The following NRXN1 variants were observed in gnomAD, a reference collection of about 807,000 sequenced individuals.
NRXN1 encodes the protein neurexin-1.
Under a neutral mutation model 150.9 loss-of-function variants are expected in NRXN1, and 39 were observed. The observed-to-expected ratio is 0.26, with a 90% CI of 0.20 to 0.34. The LOEUF is 0.34. Ranked by LOEUF, NRXN1 falls within the 10% of genes least tolerant of loss-of-function variation. The pLI is 1.00. For missense variants in NRXN1, 1,815 were observed against 1,949.9 expected, an observed-to-expected ratio of 0.93 and a Z score of 1.30; for synonymous variants, 924 against 757.0, an observed-to-expected ratio of 1.22 and a Z score of -3.62.
At chr2:49,930,453 G>A (rs1347671398) in intron 22 of NRXN1, among the ~76,000 whole-genome samples, 1 of 152,152 alleles carries the variant, frequency 6.6e-6, no homozygotes, top group Non-Finnish European at 1.5e-5. Context: ...ACACAAGCAA[G>A]TGGAGAAGAG....
At chr2:50,526,217 G>A (rs2092947733) in intron 12 of NRXN1, among the ~76,000 whole-genome samples, 1 of 152,066 alleles carries the variant, frequency 6.6e-6, no homozygotes, top group Non-Finnish European at 1.5e-5. Context: ...ATAACTTAGA[G>A]TTTAATATTA....
At chr2:50,995,939 G>A (rs1476371288) in intron 2 of NRXN1, among the ~76,000 whole-genome samples, 1 of 152,022 alleles carries the variant, frequency 6.6e-6, no homozygotes, top group African/African-American at 2.4e-5. Context: ...TTTGTAAAAA[G>A]TTCAGATGAT....
At chr2:50,893,234 C>A (rs1045151236) in intron 5 of NRXN1, among the ~76,000 whole-genome samples, 1 of 152,146 alleles carries the variant, frequency 6.6e-6, no homozygotes, top group African/African-American at 2.4e-5. Flanking sequence ...TATAGATGTA[C>A]ATGCAAATAT....
intron 5 of NRXN1, among the ~76,000 whole-genome samples, chr2:50,853,224 T>A (rs1674768159): frequency 6.6e-6 from 1 of 152,158 alleles, no homozygotes; most frequent in African/African-American, 2.4e-5. Context: ...TGCTCACATT[T>A]CTTCAACATC....
chr2:50,386,534 A>C (rs2081339826), intron 17 of NRXN1, among the ~76,000 whole-genome samples: 2 of 152,144 alleles, frequency 1.3e-5, no homozygotes, highest in South Asian at 4.1e-4. Flanking sequence ...ATTATAGACT[A>C]ATAAGATGAA....
At chr2:50,786,542 G>C (rs1705141345) in intron 5 of NRXN1, among the ~76,000 whole-genome samples, 1 of 152,066 alleles carries the variant, frequency 6.6e-6, no homozygotes, top group South Asian at 2.1e-4. Flanking sequence ...AGCCATTATA[G>C]CGCCATCAAG....
At chr2:50,606,596 G>C (rs1677162571) in intron 8 of NRXN1, among the ~76,000 whole-genome samples, 1 of 123,168 alleles carries the variant, frequency 8.1e-6, no homozygotes, top group African/African-American at 3.3e-5. Context: ...TCCTATGTGA[G>C]CTGCTCATAC....
At chr2:50,116,749 CAAGTT>C (rs1452115928) in intron 18 of NRXN1, among the ~76,000 whole-genome samples, 1 of 152,090 alleles carries the variant, frequency 6.6e-6, no homozygotes, top group African/African-American at 2.4e-5. Context: ...TCATGCAAAT[CAAGTT>C]AACATTTAAA....
intron 5 of NRXN1, among the ~76,000 whole-genome samples, chr2:50,868,556 A>C (rs937152879): frequency 3.3e-5 from 5 of 151,898 alleles, no homozygotes; most frequent in African/African-American, 1.2e-4. Flanking sequence ...AAATTGATAC[A>C]AATAAAAAAA....
At chr2:50,788,772 C>A (rs1057293990) in intron 5 of NRXN1, among the ~76,000 whole-genome samples, 2 of 151,640 alleles carry the variant, frequency 1.3e-5, no homozygotes, top group African/African-American at 2.4e-5. Flanking sequence ...GAAAACAAAA[C>A]TGAATAAAGC....
chr2:50,077,994 G>A (rs1395176462), intron 19 of NRXN1, among the ~76,000 whole-genome samples: 2 of 151,936 alleles, frequency 1.3e-5, no homozygotes, highest in Non-Finnish European at 2.9e-5. Context: ...GTCTGTCTTT[G>A]AGAAATATTC....
chr2:50,329,034 G>T (rs745790236), intron 17 of NRXN1, among the ~76,000 whole-genome samples: 6 of 152,010 alleles, frequency 3.9e-5, no homozygotes, highest in Non-Finnish European at 5.9e-5. Context: ...GGCTAGAAAA[G>T]AAGTTAACAA....
chr2:50,089,700 G>A (rs1052304826), intron 19 of NRXN1, among the ~76,000 whole-genome samples: 24 of 151,788 alleles, frequency 1.6e-4, no homozygotes, highest in African/African-American at 5.3e-4. Flanking sequence ...CAAGGAAGGA[G>A]GATCCTGTGA....
chr2:50,608,620 AAAT>A (rs147545763), intron 8 of NRXN1, among the ~76,000 whole-genome samples: 2,323 of 152,276 alleles, frequency 0.015, 78 homozygotes, highest in African/African-American at 0.053. Flanking sequence ...AATAATTATT[AAAT>A]AATAACTAAA....
At chr2:50,060,282 G>C (rs566680836) in intron 19 of NRXN1, among the ~76,000 whole-genome samples, 1 of 152,228 alleles carries the variant, frequency 6.6e-6, no homozygotes, top group African/African-American at 2.4e-5. Context: ...CTGCCCCACT[G>C]TATTTCAGAT....
chr2:50,913,667 T>A (rs1319568912), intron 5 of NRXN1, among the ~76,000 whole-genome samples: 1 of 151,750 alleles, frequency 6.6e-6, no homozygotes, highest in Non-Finnish European at 1.5e-5. Flanking sequence ...TTTACCTGTT[T>A]GAAAGTTAAC....
At chr2:50,457,343 G>T (rs1486571588) in intron 17 of NRXN1, among the ~76,000 whole-genome samples, 1 of 152,032 alleles carries the variant, frequency 6.6e-6, no homozygotes, top group Non-Finnish European at 1.5e-5. Context: ...TTGCAGCTAG[G>T]GAATTTCAGT....
Position 49,979,923 on chromosome 2 carries a change from C to T in NRXN1, c.4129-36132G>A, listed in dbSNP as rs114265438. ...TTTTTTTGGTTTTTTTTTTCTGCTA[C>T]TGTATTCTTGTGGGTTTTGTTTTTC... is the stretch of plus-strand genomic sequence containing the variant. On this transcript the variant is annotated intron_variant, in intron 21 of 22. Coordinates refer to ENST00000401669, the MANE Select transcript of NRXN1 (RefSeq NM_001330078.2). Among the ~76,000 whole-genome samples the T allele has an allele frequency of 3.5e-3, 483 of 139,138 alleles. 4 individuals are homozygous for T. The highest frequency in any genetic ancestry group is 0.013 in the African/African-American group (458 of 36,544). 91.3% of individuals were successfully genotyped at this position (139,138 alleles called of 152,430 possible).
chr2:50,470,938 G>A (rs1309742543), intron 16 of NRXN1, among the ~76,000 whole-genome samples: 1 of 151,676 alleles, frequency 6.6e-6, no homozygotes, highest in Non-Finnish European at 1.5e-5. Flanking sequence ...ATTAGCCTGG[G>A]GTGATACAAG....
Sources: gnomAD v4.1 joint callset for allele counts (sites outside exome capture counted in the v4.1 genomes callset) on GRCh38, gnomAD v4.1.1 for gene constraint, MANE v1.5 for transcripts, NCBI Gene and HGNC (gene_info 2026-07-23, HGNC 2026-07-21) for gene names.